VWC2: variants seen among roughly 807,000 people sequenced by gnomAD.
The protein encoded by VWC2 is von Willebrand factor C domain containing 2.
A neutral mutation model predicts 29.8 loss-of-function variants in VWC2; 14 were observed. That is an observed-to-expected ratio of 0.47 (90% CI 0.31 to 0.74). The LOEUF is 0.74. Among genes scored for constraint, VWC2 ranks in the 30% least tolerant of loss-of-function variants. The probability of loss-of-function intolerance (pLI) is 0.05; values close to 1 mark genes in which losing one functional copy is unlikely to be tolerated. For synonymous variants in VWC2, 213 were observed against 199.0 expected (o/e 1.07, Z -0.59); for missense variants, 457 against 459.8 (o/e 0.99, Z 0.05).
Position 49,775,451 on chromosome 7 carries a change from G to A in VWC2, c.16G>A (p.Ala6Thr). 6.9e-7 allele frequency: 1 copy of A among 1,455,772 alleles called. No individual in the cohort carries two copies. The highest frequency in any genetic ancestry group is 9.0e-7 in the Non-Finnish European group (1 of 1,105,744). 90.2% of individuals were successfully genotyped at this position (1,455,772 alleles called of 1,614,324 possible). Reference sequence around the variant, plus strand: ...GTGGTAGGGGATGCCCAGCTCCACTGCGATGGCAGTTGGCGCGCTCTCCAG... The same window carrying A: ...GTGGTAGGGGATGCCCAGCTCCACTACGATGGCAGTTGGCGCGCTCTCCAG... Reference protein sequence around the residue: MPSSTAMAVGALSSSL... With the variant: MPSSTTMAVGALSSSL... The change falls in exon 2 of 4, where the codon GCG becomes ACG. Residue 6 changes from alanine to threonine, a missense_variant. By Grantham distance (58) the Ala-to-Thr change is moderately conservative. Around this residue, in one of 2 missense-constraint regions of VWC2, gnomAD observed 272 missense variants for 202.7 expected, o/e 1.34. Transcript: ENST00000340652.
At chr7:49,822,668 G>T (rs961516626) in intron 3 of VWC2, among the ~76,000 whole-genome samples, 2 of 152,100 alleles carry the variant, frequency 1.3e-5, no homozygotes, top group South Asian at 2.1e-4. Context: ...CGAACTCCTG[G>T]CTTCAAGTGA....
chr7:49,774,769 G>T (rs866828547), intron 1 of VWC2, among the ~76,000 whole-genome samples: 5 of 152,232 alleles, frequency 3.3e-5, no homozygotes, highest in Admixed American at 6.5e-5. Flanking sequence ...CTGCTCCCGA[G>T]ACGGGAGTCT....
intron 2 of VWC2, among the ~76,000 whole-genome samples, chr7:49,789,668 G>A (rs1366342467): frequency 6.6e-6 from 1 of 152,018 alleles, no homozygotes; most frequent in Non-Finnish European, 1.5e-5. Flanking sequence ...AAAACAAAAG[G>A]GTTTTGATCT....
chr7:49,783,945 G>C (rs1269518463), intron 2 of VWC2, among the ~76,000 whole-genome samples: 3 of 152,014 alleles, frequency 2.0e-5, no homozygotes, highest in Non-Finnish European at 4.4e-5. Context: ...TAAAATGCCA[G>C]GTGGCTCTGC....
chr7:49,876,822 G>T (rs1185595945), intron 3 of VWC2, among the ~76,000 whole-genome samples: 1 of 151,912 alleles, frequency 6.6e-6, no homozygotes, highest in Non-Finnish European at 1.5e-5. Context: ...TCGTGGAGTT[G>T]CTTTATTTGC....
intron 3 of VWC2, among the ~76,000 whole-genome samples, chr7:49,859,161 A>G (rs992642451): frequency 1.4e-4 from 22 of 152,236 alleles, no homozygotes; most frequent in African/African-American, 4.8e-4. Flanking sequence ...TTACTCAGCA[A>G]TACCAAAATT....
intron 3 of VWC2, among the ~76,000 whole-genome samples, chr7:49,902,043 A>G (rs555871652): frequency 2.6e-5 from 4 of 152,098 alleles, no homozygotes; most frequent in African/African-American, 9.6e-5. Flanking sequence ...AACTTAAAAT[A>G]GATTATATAC....
chr7:49,902,772 A>G (rs927161463), intron 3 of VWC2, among the ~76,000 whole-genome samples: 3 of 152,136 alleles, frequency 2.0e-5, no homozygotes, highest in East Asian at 3.8e-4. Flanking sequence ...GCATTGAAAT[A>G]TAAAATTTTT....
chr7:49,789,109 TGAGA>T (rs202073984), intron 2 of VWC2, among the ~76,000 whole-genome samples: 78 of 124,800 alleles, frequency 6.3e-4, no homozygotes, highest in African/African-American at 1.4e-3. Flanking sequence ...AGAGAGAGAT[TGAGA>T]GAGTGTAGTG....
intron 2 of VWC2, among the ~76,000 whole-genome samples, chr7:49,789,085 T>G (rs908721124): frequency 1.4e-5 from 2 of 143,466 alleles, no homozygotes; most frequent in Non-Finnish European, 3.0e-5. Flanking sequence ...TGTGAGAGTG[T>G]AGGTTTGGGT....
At chr7:49,789,108 TTGAG>T (rs1211024754) in intron 2 of VWC2, among the ~76,000 whole-genome samples, 1 of 99,542 alleles carries the variant, frequency 1.0e-5, no homozygotes, top group East Asian at 2.7e-4. Flanking sequence ...GAGAGAGAGA[TTGAG>T]AGAGTGTAGT....
intron 3 of VWC2, among the ~76,000 whole-genome samples, chr7:49,839,782 C>A (rs1789750287): frequency 6.6e-6 from 1 of 152,184 alleles, no homozygotes; most frequent in African/African-American, 2.4e-5. Flanking sequence ...ACAAACGGGG[C>A]CTTTGACATG....
chr7:49,850,220 G>A lies in VWC2; in HGVS notation c.826+47380G>A, dbSNP rs758420995. 7.2e-5 allele frequency among the ~76,000 whole-genome samples: 11 copies of A among 152,158 alleles called. 1 individual carries two copies. Among genetic ancestry groups the A allele is most frequent in the Non-Finnish European group, 1.5e-5 (1 of 68,034 alleles). On this transcript the variant is annotated intron_variant, in intron 3 of 3. Transcript: ENST00000340652. ...CAGATAGGGTCTGTCATCAATGAAG[G>A]TTTGACTGTAGTAACCTGTCCACTT...
intron 3 of VWC2, among the ~76,000 whole-genome samples, chr7:49,903,986 T>TG (rs1792937016): frequency 6.6e-6 from 1 of 152,150 alleles, no homozygotes; most frequent in Non-Finnish European, 1.5e-5. Flanking sequence ...TTACATAGCA[T>TG]GGGGGAAGGC....
intron 3 of VWC2, among the ~76,000 whole-genome samples, chr7:49,815,876 G>T (rs933047990): frequency 1.3e-5 from 2 of 152,142 alleles, no homozygotes; most frequent in Non-Finnish European, 2.9e-5. Flanking sequence ...ATCCTTTGCT[G>T]TACGCCACAA....
chr7:49,832,785 T>C (rs1386247917), intron 3 of VWC2, among the ~76,000 whole-genome samples: 4 of 152,204 alleles, frequency 2.6e-5, no homozygotes, highest in Non-Finnish European at 5.9e-5. Context: ...TGCCAAGACT[T>C]TGTCAAGCTA....
At chr7:49,905,550 GTTTT>G (rs1793039587) in intron 3 of VWC2, among the ~76,000 whole-genome samples, 1 of 152,162 alleles carries the variant, frequency 6.6e-6, no homozygotes, top group Non-Finnish European at 1.5e-5. Flanking sequence ...TTAAAAAAGA[GTTTT>G]ATTTATTTGT....
chr7:49,830,263 A>T (rs1397328762), intron 3 of VWC2, among the ~76,000 whole-genome samples: 1 of 152,120 alleles, frequency 6.6e-6, no homozygotes, highest in Non-Finnish European at 1.5e-5. Context: ...TTTGAAAAAA[A>T]AAATTTAACA....
chr7:49,885,005 T>C (rs1054738737), intron 3 of VWC2, among the ~76,000 whole-genome samples: 2 of 152,052 alleles, frequency 1.3e-5, no homozygotes, highest in African/African-American at 4.8e-5. Flanking sequence ...AAATAGGATA[T>C]AAGTGTTGTA....
Sources: allele counts gnomAD v4.1 joint callset (sites outside exome capture counted in the v4.1 genomes callset), GRCh38; gene constraint gnomAD v4.1.1; regional missense constraint gnomAD v4.1.1; transcripts MANE v1.5; gene names NCBI Gene and HGNC (gene_info 2026-07-23, HGNC 2026-07-21).